FLI1: variants seen among roughly 807,000 people sequenced by gnomAD.
FLI1 encodes Friend leukemia integration 1 transcription factor.
FLI1 carries 13 observed loss-of-function variants against 53.1 expected under a neutral mutation model. The ratio of observed to expected loss-of-function variants is 0.24; its 90% confidence interval spans 0.16 to 0.39. The LOEUF (loss-of-function observed/expected upper bound fraction) is 0.39, where lower values mean the gene tolerates loss of function less well. Ranked by LOEUF, FLI1 falls within the 10% of genes least tolerant of loss-of-function variation. The pLI, the probability that FLI1 is intolerant of heterozygous loss-of-function variation, is 1.00. For missense variants in FLI1, 424 were observed against 600.5 expected (o/e 0.71, Z 3.07); for synonymous variants, 244 against 236.7 (o/e 1.03, Z -0.28).
intron 1 of FLI1, among the ~76,000 whole-genome samples, chr11:128,707,838 T>C (rs1938617450): frequency 6.6e-6 from 1 of 152,196 alleles, no homozygotes. Flanking sequence ...CATGGGAAAT[T>C]TCACATGCCT....
intron 5 of FLI1, among the ~76,000 whole-genome samples, chr11:128,800,975 AG>A (rs1942620320): frequency 6.6e-6 from 1 of 152,058 alleles, no homozygotes; most frequent in Non-Finnish European, 1.5e-5. Flanking sequence ...GACAGTGAAA[AG>A]TTAGTTTGTC....
At chr11:128,743,040 A>G (rs1940205314) in intron 1 of FLI1, among the ~76,000 whole-genome samples, 2 of 152,154 alleles carry the variant, frequency 1.3e-5, no homozygotes, top group South Asian at 4.1e-4. Context: ...CCAACCTATA[A>G]TGAACATGGG....
chr11:128,777,276 GAA>G (rs1366734617), intron 4 of FLI1, among the ~76,000 whole-genome samples: 1 of 152,016 alleles, frequency 6.6e-6, no homozygotes, highest in Non-Finnish European at 1.5e-5. Flanking sequence ...GAGGCAGAAA[GAA>G]AAAGAGCCTT....
In FLI1 at chr11:128,768,275, A is replaced by G. The variant is rs1941420697; in HGVS notation, c.385+3A>G. 1.2e-6 allele frequency: 2 copies of G among 1,613,502 alleles called. No individual in the cohort carries two copies. Among genetic ancestry groups the G allele is most frequent in the Non-Finnish European group, 8.5e-7 (1 of 1,179,794 alleles). On this transcript the variant is annotated splice_donor_region_variant and intron_variant, in intron 3 of 8. Coordinates refer to ENST00000527786, the MANE Select transcript of FLI1 (RefSeq NM_002017.5). ...GAGGAGAGTCATCGTCCCCGCAGGTAATTCGAGAACCAGGCTGCCTGGGCG... is the reference window on the plus strand; with the variant it reads ...GAGGAGAGTCATCGTCCCCGCAGGTGATTCGAGAACCAGGCTGCCTGGGCG...
At chr11:128,720,189 C>T (rs1237800617) in intron 1 of FLI1, among the ~76,000 whole-genome samples, 2 of 152,024 alleles carry the variant, frequency 1.3e-5, no homozygotes, top group Non-Finnish European at 2.9e-5. Context: ...TCCTTTTATT[C>T]TCTTTATATT....
At chr11:128,718,611 C>T (rs1176777097) in intron 1 of FLI1, among the ~76,000 whole-genome samples, 2 of 152,146 alleles carry the variant, frequency 1.3e-5, no homozygotes, top group Admixed American at 1.3e-4. Flanking sequence ...ACAGCAAGAC[C>T]ATTATTTGGA....
chr11:128,763,128 G>T (rs1359840175), intron 2 of FLI1, among the ~76,000 whole-genome samples: 1 of 152,178 alleles, frequency 6.6e-6, no homozygotes, highest in Non-Finnish European at 1.5e-5. Context: ...AGACCCATTG[G>T]CATTTGTGTC....
chr11:128,711,079 T>A (rs950680707), intron 1 of FLI1, among the ~76,000 whole-genome samples: 5 of 152,254 alleles, frequency 3.3e-5, no homozygotes, highest in African/African-American at 1.2e-4. Context: ...GCCACTGTAC[T>A]CTCTATTTGA....
chr11:128,781,110 A>G, intron 4 of FLI1, among the ~76,000 whole-genome samples: 1 of 152,232 alleles, frequency 6.6e-6, no homozygotes, highest in East Asian at 1.9e-4. Flanking sequence ...TAATTTGAAA[A>G]GATTGGATAT....
chr11:128,724,936 T>A (rs1191469474), intron 1 of FLI1, among the ~76,000 whole-genome samples: 3 of 152,176 alleles, frequency 2.0e-5, no homozygotes, highest in Non-Finnish European at 4.4e-5. Context: ...TGGGGTTCAG[T>A]AAGAATGCCA....
At chr11:128,797,529 C>T (rs1942476061) in intron 5 of FLI1, among the ~76,000 whole-genome samples, 1 of 152,196 alleles carries the variant, frequency 6.6e-6, no homozygotes, top group Non-Finnish European at 1.5e-5. Context: ...GCCTACTTCC[C>T]TCCTCTGGTT....
intron 4 of FLI1, 23 bp from the exon 5 acceptor site, chr11:128,781,935 C>A (rs768751571): frequency 2.1e-5 from 33 of 1,603,644 alleles, no homozygotes; most frequent in Non-Finnish European, 2.8e-5. Context: ...TTGGTTATAA[C>A]CTGTTTATGT....
chr11:128,708,886 TA>T (rs1014370142), intron 1 of FLI1, among the ~76,000 whole-genome samples: 3 of 152,352 alleles, frequency 2.0e-5, no homozygotes, highest in African/African-American at 7.2e-5. Context: ...TAGCCAAAGT[TA>T]CCAAATGTGA....
intron 2 of FLI1, among the ~76,000 whole-genome samples, chr11:128,758,829 G>A (rs1377077363): frequency 6.6e-6 from 1 of 152,192 alleles, no homozygotes; most frequent in African/African-American, 2.4e-5. Context: ...CACCTGGAAG[G>A]CGTGCATGAA....
Position 128,738,370 on chromosome 11 carries a change from C to T in FLI1, c.19-19745C>T, listed in dbSNP as rs139056641. ...GCCTTGAAATACAAGACAACCAAGG[C>T]CTCACCTTTCTCTCATTACTCAAAT... On this transcript the variant is annotated intron_variant, in intron 1 of 8. Transcript: ENST00000527786. Among the ~76,000 whole-genome samples, 689 of 152,288 alleles carry T rather than the reference C, an allele frequency of 4.5e-3. 13 individuals carry two copies. The highest frequency in any genetic ancestry group is 0.016 in the African/African-American group (657 of 41,548).
intron 2 of FLI1, among the ~76,000 whole-genome samples, chr11:128,765,409 T>C (rs1330083444): frequency 6.6e-6 from 1 of 152,202 alleles, no homozygotes; most frequent in Non-Finnish European, 1.5e-5. Context: ...AGGTCAGTTT[T>C]TAACTCAGAA....
At chr11:128,723,343 G>A (rs1009262570) in intron 1 of FLI1, among the ~76,000 whole-genome samples, 2 of 152,110 alleles carry the variant, frequency 1.3e-5, no homozygotes, top group Admixed American at 1.3e-4. Context: ...CTTCATGGAG[G>A]AGGTACATTG....
intron 1 of FLI1, among the ~76,000 whole-genome samples, chr11:128,718,503 T>C (rs1225577645): frequency 2.0e-5 from 3 of 152,140 alleles, no homozygotes; most frequent in African/African-American, 7.2e-5. Flanking sequence ...TCTCCTCCCC[T>C]CTGCTGGCCG....
intron 1 of FLI1, among the ~76,000 whole-genome samples, chr11:128,727,505 G>A (rs616622): frequency 0.16 from 23,938 of 152,162 alleles, 2,254 homozygotes; most frequent in East Asian, 0.31. Context: ...GCCAGGACCT[G>A]GACAGAGCCC....
Sources: allele counts gnomAD v4.1 joint callset (sites outside exome capture counted in the v4.1 genomes callset), GRCh38; gene constraint gnomAD v4.1.1; transcripts MANE v1.5; gene names NCBI Gene and HGNC (gene_info 2026-07-23, HGNC 2026-07-21).